Variants in KATNIP observed in about 807,000 individuals in gnomAD.
The protein encoded by KATNIP is katanin-interacting protein.
Under a neutral mutation model 174.0 loss-of-function variants are expected in KATNIP, and 126 were observed. That is an observed-to-expected ratio of 0.72 (90% CI 0.63 to 0.84). KATNIP has a LOEUF of 0.84. Ranked by LOEUF, KATNIP falls within the 40% of genes least tolerant of loss-of-function variation. The pLI is 0.00. For synonymous variants in KATNIP, 810 were observed against 835.7 expected (o/e 0.97, Z 0.53); for missense variants, 1,958 against 2,109.7 (o/e 0.93, Z 1.41).
chr16:27,599,264 T>G (rs564324565), intron 2 of KATNIP, among the ~76,000 whole-genome samples: 85 of 152,274 alleles, frequency 5.6e-4, no homozygotes, highest in African/African-American at 1.9e-3. Flanking sequence ...TCCGAACCCG[T>G]ACACCAGAAA....
intron 2 of KATNIP, among the ~76,000 whole-genome samples, chr16:27,610,868 A>C (rs2075870524): frequency 1.3e-5 from 2 of 152,216 alleles, no homozygotes; most frequent in African/African-American, 4.8e-5. Flanking sequence ...GGAGAGGCTC[A>C]TCAGAAACTC....
chr16:27,697,805 T>C (rs532506657), intron 8 of KATNIP, among the ~76,000 whole-genome samples: 200 of 152,064 alleles, frequency 1.3e-3, no homozygotes, highest in Non-Finnish European at 2.6e-3. Context: ...CATGTGCATA[T>C]GTGTGTGTGC....
intron 6 of KATNIP, among the ~76,000 whole-genome samples, chr16:27,661,695 G>C (rs2077479989): frequency 6.8e-6 from 1 of 148,116 alleles, no homozygotes; most frequent in African/African-American, 2.5e-5. Context: ...GCCCGGCCTG[G>C]GTTTCTTTAT....
chr16:27,775,180 C>A, intron 24 of KATNIP, 96 bp downstream of exon 24: 1 of 1,440,844 alleles, frequency 6.9e-7, no homozygotes, highest in South Asian at 1.2e-5. Flanking sequence ...TCTTCCAGGT[C>A]AAGTTAATCT....
At chr16:27,739,661 CAG>C (rs2081027478) in intron 14 of KATNIP, among the ~76,000 whole-genome samples, 2 of 152,132 alleles carry the variant, frequency 1.3e-5, no homozygotes, top group Non-Finnish European at 1.5e-5. Context: ...GGATTTCACA[CAG>C]GGGAATGACT....
intron 14 of KATNIP, among the ~76,000 whole-genome samples, chr16:27,736,890 C>T (rs1361026956): frequency 1.3e-5 from 2 of 152,082 alleles, no homozygotes; most frequent in East Asian, 1.9e-4. Context: ...GCCCAGGCAG[C>T]AGCACACGCG....
intron 1 of KATNIP, among the ~76,000 whole-genome samples, chr16:27,568,269 C>T (rs116926448): frequency 6.6e-6 from 1 of 152,222 alleles, no homozygotes; most frequent in Non-Finnish European, 1.5e-5. Flanking sequence ...CATATTTGTT[C>T]AGTGACTTAT....
chr16:27,717,193 C>T (rs544888538), intron 13 of KATNIP, among the ~76,000 whole-genome samples: 2 of 152,180 alleles, frequency 1.3e-5, no homozygotes, highest in South Asian at 2.1e-4. Flanking sequence ...TTCTGAGACT[C>T]GCTTTTTTCA....
intron 1 of KATNIP, among the ~76,000 whole-genome samples, chr16:27,567,029 C>G (rs1455694612): frequency 6.6e-6 from 1 of 152,080 alleles, no homozygotes; most frequent in East Asian, 1.9e-4. Flanking sequence ...TTCCAGAAAC[C>G]GTATTTTGTC....
chr16:27,559,688 A>G (rs1840317052), intron 1 of KATNIP, among the ~76,000 whole-genome samples: 1 of 149,624 alleles, frequency 6.7e-6, no homozygotes, highest in Admixed American at 6.7e-5. Context: ...CTCAAAAAAA[A>G]AAAAAAAATA....
chr16:27,730,808 C>A (rs1312297962), intron 14 of KATNIP, among the ~76,000 whole-genome samples: 2 of 152,202 alleles, frequency 1.3e-5, no homozygotes, highest in Non-Finnish European at 2.9e-5. Context: ...CAGGCACCCC[C>A]GGCCAAGTCT....
chr16:27,695,917 C>G (rs903627869), intron 8 of KATNIP, among the ~76,000 whole-genome samples: 1 of 152,180 alleles, frequency 6.6e-6, no homozygotes, highest in Non-Finnish European at 1.5e-5. Context: ...TCGTCATCAC[C>G]CCTACCCATT....
chr16:27,654,060 C>G (rs1398484058), intron 6 of KATNIP, among the ~76,000 whole-genome samples: 2 of 152,196 alleles, frequency 1.3e-5, no homozygotes, highest in Non-Finnish European at 2.9e-5. Context: ...ACTGCAACCT[C>G]TGCCTCCTGG....
intron 6 of KATNIP, among the ~76,000 whole-genome samples, chr16:27,656,053 C>A (rs537958706): frequency 1.3e-5 from 2 of 152,074 alleles, no homozygotes; most frequent in African/African-American, 2.4e-5. Context: ...TTTTCAAAAG[C>A]GAAATCCAGT....
intron 2 of KATNIP, among the ~76,000 whole-genome samples, chr16:27,594,022 C>G (rs1206004105): frequency 6.6e-6 from 1 of 151,712 alleles, no homozygotes; most frequent in Non-Finnish European, 1.5e-5. Context: ...GGCCCTAAGT[C>G]ACACAGCTAA....
At chr16:27,743,443 C>A (rs1160996423) in intron 15 of KATNIP, among the ~76,000 whole-genome samples, 1 of 152,128 alleles carries the variant, frequency 6.6e-6, no homozygotes, top group Non-Finnish European at 1.5e-5. Flanking sequence ...GATTCCCCAG[C>A]CTTACAAATT....
intron 6 of KATNIP, among the ~76,000 whole-genome samples, chr16:27,666,984 C>T (rs1484599678): frequency 6.6e-5 from 10 of 152,104 alleles, no homozygotes; most frequent in Non-Finnish European, 1.5e-5. Flanking sequence ...ATCCCTAGCA[C>T]CTAGCAGTCA....
intron 6 of KATNIP, among the ~76,000 whole-genome samples, chr16:27,662,418 C>A (rs761171129): frequency 6.6e-6 from 1 of 152,084 alleles, no homozygotes; most frequent in Admixed American, 6.6e-5. Context: ...CCAGAAACAT[C>A]AAAGGCCCCC....
Position 27,740,807 on chromosome 16 carries a change from A to T in KATNIP, c.2510A>T (p.Asp837Val). Reference protein sequence around the residue: ...QRATTKVHSDDSDIFNQPPNR... With the variant: ...QRATTKVHSDVSDIFNQPPNR... ...GCAACCACCAAAGTCCACAGTGATG[A>T]CTCAGACATCTTTAACCAGCCCCCC... The change falls in exon 15 of 28, where the codon GAC (aspartate) becomes GTC (valine). Residue 837 changes from aspartate (D) to valine (V), a missense_variant. Asp to Val is a radical substitution (Grantham distance 152). Transcript: ENST00000261588. 1 of 1,613,958 alleles carries T rather than the reference A, an allele frequency of 6.2e-7. No homozygotes were observed. The highest frequency in any genetic ancestry group is 2.2e-5 in the East Asian group (1 of 44,898).
Sources: gnomAD v4.1 joint callset for allele counts (sites outside exome capture counted in the v4.1 genomes callset) on GRCh38, gnomAD v4.1.1 for gene constraint, MANE v1.5 for transcripts, NCBI Gene and HGNC (gene_info 2026-07-23, HGNC 2026-07-21) for gene names.